The following TPPP2 variants were observed in gnomAD, a reference collection of about 807,000 sequenced individuals.
The protein encoded by TPPP2 is tubulin polymerization-promoting protein family member 2.
TPPP2 carries 8 observed loss-of-function variants against 13.0 expected under a neutral mutation model. That is an observed-to-expected ratio of 0.62 (90% CI 0.36 to 1.11). The LOEUF is 1.11. Ranked by LOEUF, TPPP2 falls within the 50% of genes most tolerant of loss-of-function variation. The pLI, the probability that TPPP2 is intolerant of heterozygous loss-of-function variation, is 0.02. For synonymous variants in TPPP2, 81 were observed against 81.8 expected (o/e 0.99, Z 0.05); for missense variants, 213 against 216.9 (o/e 0.98, Z 0.11).
upstream of TPPP2, chr14:21,025,541 A>G: frequency 1.0e-6 from 1 of 985,276 alleles, no homozygotes; most frequent in East Asian, 1.1e-4. This position sits in a 1 kb window ranked among gnomAD's most constrained non-coding sequence, Gnocchi z 5.1. Context: ...AGAAAGGAGG[A>G]GGTGGGCGGG....
rs916554253 is a variant in TPPP2 at position 21,032,511 on chromosome 14, C to T, written c.*434C>T. 1.4e-5 allele frequency: 5 copies of T among 350,078 alleles called. No individual in the cohort carries two copies. Among genetic ancestry groups the T allele is most frequent in the African/African-American group, 1.1e-4 (5 of 46,332 alleles). The allele number at this position is 350,078 out of a possible 1,614,324, so 21.7% of individuals were successfully genotyped here. ...TCACATATTAGATCCTTCCCTGTCC[C>T]TCCACCTTCCTCATCTGTTGCAATT... is the stretch of plus-strand genomic sequence containing the variant. On this transcript the variant is annotated 3_prime_UTR_variant, in exon 4 of 4. Transcript: ENST00000321760.
downstream of TPPP2, chr14:21,033,877 A>G (rs1352451262): frequency 6.2e-7 from 1 of 1,614,160 alleles, no homozygotes; most frequent in Non-Finnish European, 8.5e-7. Flanking sequence ...TTGCGGGAGC[A>G]GAGTAGGTAG....
chr14:21,024,833 A>G, intron 1 of TPPP2: 1 of 985,734 alleles, frequency 1.0e-6, no homozygotes, highest in Non-Finnish European at 1.2e-6. Context: ...GACCTTGCAC[A>G]CAACCTCGCG....
upstream of TPPP2, among the ~76,000 whole-genome samples, chr14:21,027,854 A>T (rs1594469209): frequency 6.6e-6 from 1 of 152,310 alleles, no homozygotes; most frequent in East Asian, 1.9e-4. Context: ...GAGAAGTGCA[A>T]CCATGGAATA....
At chr14:21,028,015 A>T (rs1369788748), upstream of TPPP2, among the ~76,000 whole-genome samples, 1 of 152,192 alleles carries the variant, frequency 6.6e-6, no homozygotes, top group Non-Finnish European at 1.5e-5. Flanking sequence ...TATCGTCCTC[A>T]CTGTACAGAT....
At chr14:21,029,766 T>G (rs1268448768), upstream of TPPP2, among the ~76,000 whole-genome samples, 1 of 152,168 alleles carries the variant, frequency 6.6e-6, no homozygotes, top group Non-Finnish European at 1.5e-5. Context: ...CCTTCTACCA[T>G]GTGAGGACAC....
At chr14:21,029,119 G>T (rs1017074223), upstream of TPPP2, 2 of 152,152 alleles carry the variant, frequency 1.3e-5, no homozygotes, top group African/African-American at 4.8e-5. Flanking sequence ...ATACTCCAAG[G>T]CTTGCTGGGC....
downstream of TPPP2, chr14:21,032,929 T>A: frequency 2.2e-6 from 1 of 455,938 alleles, no homozygotes; most frequent in Non-Finnish European, 4.4e-6. Context: ...AATGGTTACA[T>A]CTTACATACT....
At chr14:21,030,877 G>T in intron 2 of TPPP2, 123 bp downstream of exon 2, 7 of 1,506,094 alleles carry the variant, frequency 4.6e-6, no homozygotes, top group Non-Finnish European at 6.3e-6. Flanking sequence ...ACCTGGCGCT[G>T]TGCTATCCTT....
chr14:21,034,061 A>C (rs777486503), downstream of TPPP2: 24 of 1,614,214 alleles, frequency 1.5e-5, no homozygotes, highest in East Asian at 4.7e-4. Context: ...TCCAAGGGGC[A>C]TGTATCACAT....
At chr14:21,033,935 C>T, downstream of TPPP2, 1 of 1,613,976 alleles carries the variant, frequency 6.2e-7, no homozygotes, top group Non-Finnish European at 8.5e-7. Context: ...TAGTGGGTGG[C>T]TGTTGGTGGC....
rs778682709 is a variant in TPPP2, at chr14:21,030,798, G to C, written c.173+44G>C. The C allele has an allele frequency of 5.6e-6, 9 of 1,601,676 alleles. No homozygotes were observed. The African/African-American group carries it at 1.1e-4, about 19-fold the overall frequency. ...GGAGGTGGGGGTGAGAAGAACCTGC[G>C]AGGTAGTTGGCCACGGAAGGGTTCA... is the stretch of plus-strand genomic sequence containing the variant. On this transcript the variant is annotated intron_variant, in intron 2 of 3. Transcript: ENST00000321760.
Position 21,032,184 on chromosome 14 carries a change from T to C in TPPP2, c.*107T>C. 5.1e-6 allele frequency: 6 copies of C among 1,180,354 alleles called. No homozygotes were observed. Among genetic ancestry groups the C allele is most frequent in the Non-Finnish European group, 7.5e-6 (6 of 801,324 alleles). 73.1% of individuals were successfully genotyped at this position (1,180,354 alleles called of 1,614,324 possible). Reference sequence around the variant, plus strand: ...GTGTGCAGCAGCCAAAATCTCTGTCTGTGAGGGACAGATGAGCCTACTAGT... The same window carrying C: ...GTGTGCAGCAGCCAAAATCTCTGTCCGTGAGGGACAGATGAGCCTACTAGT... On this transcript the variant is annotated 3_prime_UTR_variant, in exon 4 of 4. Coordinates refer to ENST00000321760, the MANE Select transcript of TPPP2 (RefSeq NM_173846.5).
Position 21,030,744 on chromosome 14 carries a change from A to T in TPPP2, c.163A>T (p.Ser55Cys), listed in dbSNP as rs1196656289. 6.2e-7 allele frequency: 1 copy of T among 1,613,996 alleles called. No homozygotes were observed. The highest frequency in any genetic ancestry group is 8.5e-7 in the Non-Finnish European group (1 of 1,179,938). The change falls in exon 2 of 4, where the codon AGC becomes TGC. Residue 55 changes from serine to cysteine, a missense_variant. By Grantham distance (112) the Ser-to-Cys change is moderately radical. Transcript: ENST00000321760. ...CTCCACGGACGTGGACATCGTGTTC[A>T]GCAAAGTCAAGTGAGGAGCCAAAAA... ...VTSTDVDIVF[S>C]KVKAKNARTI...
intron 3 of TPPP2, 128 bp from the exon 4 acceptor site, chr14:21,031,760 AAAGC>A: frequency 9.9e-7 from 1 of 1,006,890 alleles, no homozygotes. Flanking sequence ...GGGCCCTAAG[AAAGC>A]AGCACCCCAT....
upstream of TPPP2, among the ~76,000 whole-genome samples, chr14:21,029,953 C>G (rs1213455572): frequency 6.6e-6 from 1 of 152,180 alleles, no homozygotes; most frequent in African/African-American, 2.4e-5. Context: ...AACACCTTCC[C>G]TGGGCTCGCC....
In TPPP2 at chr14:21,024,337, A is replaced by C. The variant is rs893516421; in HGVS notation, n.229A>C. On this transcript the variant is annotated non_coding_transcript_exon_variant, in exon 1 of 2. Coordinates refer to the TPPP2 transcript ENST00000533755. ...GCGCGGAGGAGAGAAGGAAGTGCTGATGTGGAGGTAAGAGGGTGGCCCTGT... is the reference window on the plus strand; with the variant it reads ...GCGCGGAGGAGAGAAGGAAGTGCTGCTGTGGAGGTAAGAGGGTGGCCCTGT... 9 of 981,100 alleles carry C rather than the reference A, an allele frequency of 9.2e-6. No individual in the cohort carries two copies. In the African/African-American group the frequency reaches 1.6e-4, roughly 17 times the overall value. The allele number at this position is 981,100 out of a possible 1,614,324, so 60.8% of individuals were successfully genotyped here.
chr14:21,026,337 C>T (rs1238221596), upstream of TPPP2, among the ~76,000 whole-genome samples: 1 of 150,756 alleles, frequency 6.6e-6, no homozygotes, highest in East Asian at 2.0e-4. Context: ...GGATCATATC[C>T]ACCCCAACCC....
At chr14:21,033,702 G>A (rs1391055277), downstream of TPPP2, 3 of 779,572 alleles carry the variant, frequency 3.8e-6, no homozygotes, top group East Asian at 7.4e-5. Flanking sequence ...CTGGTCTCTT[G>A]GGAGGGGACC....
Sources: allele counts gnomAD v4.1 joint callset (sites outside exome capture counted in the v4.1 genomes callset), GRCh38; gene constraint gnomAD v4.1.1; non-coding constraint Gnocchi (gnomAD v3.1); transcripts MANE v1.5; gene names NCBI Gene and HGNC (gene_info 2026-07-23, HGNC 2026-07-21).